The following SGCD variants were observed in gnomAD, a reference collection of about 807,000 sequenced individuals.
SGCD encodes the protein delta-sarcoglycan.
SGCD carries 18 observed loss-of-function variants against 36.6 expected under a neutral mutation model. The ratio of observed to expected loss-of-function variants is 0.49; its 90% CI spans 0.34 to 0.73. The LOEUF (loss-of-function observed/expected upper bound fraction) is 0.73, where lower values mean the gene tolerates loss of function less well. SGCD is among the 30% of genes least tolerant of loss of function. The pLI, the probability that SGCD is intolerant of heterozygous loss-of-function variation, is 0.01. For missense variants in SGCD, 387 were observed against 346.7 expected, an observed-to-expected ratio of 1.12 and a Z score of -0.92; for synonymous variants, 133 against 130.6, an observed-to-expected ratio of 1.02 and a Z score of -0.12.
chr5:156,392,759 C>T (rs1174743897), intron 3 of SGCD, among the ~76,000 whole-genome samples: 1 of 152,070 alleles, frequency 6.6e-6, no homozygotes, highest in East Asian at 1.9e-4. Context: ...CCCTTGGAGT[C>T]GGGCCCCTTG....
chr5:156,016,506 C>T (rs2127572161), intron 1 of SGCD, among the ~76,000 whole-genome samples: 1 of 152,238 alleles, frequency 6.6e-6, no homozygotes, highest in African/African-American at 2.4e-5. Flanking sequence ...CTTTTCCAAC[C>T]TGTAGCCCTG....
intron 3 of SGCD, among the ~76,000 whole-genome samples, chr5:156,192,620 T>C (rs1763919998): frequency 6.6e-6 from 1 of 152,020 alleles, no homozygotes; most frequent in Non-Finnish European, 1.5e-5. Flanking sequence ...GAGAGAACTT[T>C]ATTTGTTCTA....
the SGCD span, among the ~76,000 whole-genome samples, chr5:155,832,836 T>C: frequency 6.6e-6 from 1 of 152,226 alleles, no homozygotes; most frequent in African/African-American, 2.4e-5. Context: ...TTCATGGTAC[T>C]TAGTTTTCTC....
At chr5:156,398,092 T>C (rs1045377631) in intron 3 of SGCD, among the ~76,000 whole-genome samples, 1 of 152,218 alleles carries the variant, frequency 6.6e-6, no homozygotes, top group Non-Finnish European at 1.5e-5. Context: ...GTTCCCTCAT[T>C]GGTTATTCTT....
intron 3 of SGCD, among the ~76,000 whole-genome samples, chr5:156,456,524 T>C (rs1184495701): frequency 2.0e-5 from 3 of 152,160 alleles, no homozygotes; most frequent in Non-Finnish European, 4.4e-5. Context: ...GCTATGAAGG[T>C]GAAGAGATTT....
At chr5:156,481,563 G>A (rs575269284) in intron 3 of SGCD, among the ~76,000 whole-genome samples, 1 of 152,254 alleles carries the variant, frequency 6.6e-6, no homozygotes, top group East Asian at 1.9e-4. Context: ...TGCCTAATTT[G>A]AAACATCTGT....
chr5:156,384,155 G>A (rs1771147360), intron 3 of SGCD, among the ~76,000 whole-genome samples: 1 of 152,148 alleles, frequency 6.6e-6, no homozygotes, highest in African/African-American at 2.4e-5. Context: ...ACAAGAAGAG[G>A]GATGAGGACT....
intron 3 of SGCD, among the ~76,000 whole-genome samples, chr5:156,182,760 G>T (rs1763639157): frequency 6.6e-6 from 1 of 152,148 alleles, no homozygotes. Flanking sequence ...TCCCACTAAA[G>T]GGTCAGAGTC....
In SGCD at chr5:155,975,609, CTTTTTTTTTTTTTTTTT is replaced by C. The variant is rs763067309; in HGVS notation, c.-282+105206_-282+105222del. 6.6e-3 allele frequency among the ~76,000 whole-genome samples: 186 copies of C among 28,002 alleles called. 1 individual carries two copies. The highest frequency in any genetic ancestry group is 9.9e-3 in the Non-Finnish European group (144 of 14,574). 18.4% of individuals were successfully genotyped at this position (28,002 alleles called of 152,430 possible). On this transcript the variant is annotated intron_variant, in intron 1 of 9. Transcript: ENST00000517913. ...TGTGTTATTTATTTTTCTTTCTTTC[CTTTTTTTTTTTTTTTTT>C]TTTTTTTTTTTTTTTTTTTTGAGAC...
intron 1 of SGCD, among the ~76,000 whole-genome samples, chr5:156,101,477 T>G (rs1761513295): frequency 6.6e-6 from 1 of 152,186 alleles, no homozygotes; most frequent in Non-Finnish European, 1.5e-5. Context: ...AACATTGAAG[T>G]GACACCCAGA....
At chr5:156,512,203 A>C (rs985082009) in intron 4 of SGCD, among the ~76,000 whole-genome samples, 1 of 151,860 alleles carries the variant, frequency 6.6e-6, no homozygotes, top group African/African-American at 2.4e-5. Flanking sequence ...AAAAAAAAAA[A>C]AAAAAAAAAA....
In SGCD at chr5:156,404,215, G is replaced by T. The variant is rs560464041; in HGVS notation, c.192+59538G>T. On this transcript the variant is annotated intron_variant, in intron 3 of 8. Transcript: ENST00000337851. ...AATGTTGTTCCCATTCCCTTCATCG[G>T]CTTACCTGTATTATGTGTATATAAT... is the stretch of plus-strand genomic sequence containing the variant. Among the ~76,000 whole-genome samples the T allele has an allele frequency of 4.5e-4, 68 of 152,114 alleles. No homozygotes were observed. In the South Asian group the frequency reaches 0.014, roughly 31 times the overall value.
intron 7 of SGCD, among the ~76,000 whole-genome samples, chr5:156,726,957 C>G (rs753853571): frequency 2.0e-5 from 3 of 152,210 alleles, no homozygotes; most frequent in Non-Finnish European, 2.9e-5. Flanking sequence ...TTAAACAGTA[C>G]ATTGTCCTAT....
intron 3 of SGCD, among the ~76,000 whole-genome samples, chr5:156,425,234 A>G (rs1241662564): frequency 1.3e-5 from 2 of 152,062 alleles, no homozygotes; most frequent in Non-Finnish European, 2.9e-5. Context: ...AAATGAGAAA[A>G]CCAAGAATTT....
chr5:156,308,605 C>T (rs1767303268), intron 3 of SGCD, among the ~76,000 whole-genome samples: 1 of 152,072 alleles, frequency 6.6e-6, no homozygotes, highest in Non-Finnish European at 1.5e-5. Context: ...GCCAGAAGTG[C>T]CATACTTTTA....
chr5:156,520,605 C>T (rs1479013266), intron 4 of SGCD, among the ~76,000 whole-genome samples: 1 of 152,118 alleles, frequency 6.6e-6, no homozygotes, highest in African/African-American at 2.4e-5. Context: ...AAGAACAAAG[C>T]TGGAGGCATC....
intron 4 of SGCD, among the ~76,000 whole-genome samples, chr5:156,585,358 A>G (rs928151411): frequency 3.3e-5 from 5 of 152,238 alleles, no homozygotes; most frequent in African/African-American, 9.6e-5. Flanking sequence ...AAAGCATCCT[A>G]TTGAAAATAA....
chr5:155,823,882 A>G, the SGCD span, among the ~76,000 whole-genome samples: 1 of 152,156 alleles, frequency 6.6e-6, no homozygotes, highest in Non-Finnish European at 1.5e-5. Flanking sequence ...GCAAATTCAT[A>G]TTTGATGTTC....
chr5:156,019,626 A>G (rs1759055987), intron 1 of SGCD, among the ~76,000 whole-genome samples: 1 of 152,208 alleles, frequency 6.6e-6, no homozygotes, highest in African/African-American at 2.4e-5. Flanking sequence ...TGAAAGCAGC[A>G]TACACATTAT....
Sources: gnomAD v4.1 joint callset for allele counts (sites outside exome capture counted in the v4.1 genomes callset) on GRCh38, gnomAD v4.1.1 for gene constraint, MANE v1.5 for transcripts, NCBI Gene and HGNC (gene_info 2026-07-23, HGNC 2026-07-21) for gene names.